CUBN: variants seen among roughly 807,000 people sequenced by gnomAD.
The protein encoded by CUBN is 460 kDa receptor.
Under a neutral mutation model 405.3 loss-of-function variants are expected in CUBN, and 282 were observed. The observed-to-expected ratio is 0.70, with a 90% CI of 0.63 to 0.77. The LOEUF is 0.77. Among genes scored for constraint, CUBN ranks in the 30% least tolerant of loss-of-function variants. The probability of loss-of-function intolerance (pLI) is 0.00; values close to 1 mark genes in which losing one functional copy is unlikely to be tolerated. For synonymous variants in CUBN, 1,684 were observed against 1,617.0 expected (o/e 1.04, Z -0.99); for missense variants, 4,514 against 4,475.2 (o/e 1.01, Z -0.25).
intron 54 of CUBN, among the ~76,000 whole-genome samples, chr10:16,898,139 T>C (rs1564410371): frequency 1.3e-5 from 2 of 151,440 alleles, no homozygotes; most frequent in Non-Finnish European, 2.9e-5. Context: ...GTCAATGAGA[T>C]ATAAAACATC....
intron 58 of CUBN, among the ~76,000 whole-genome samples, chr10:16,870,744 A>C (rs1840326010): frequency 6.6e-6 from 1 of 152,214 alleles, no homozygotes; most frequent in Non-Finnish European, 1.5e-5. Context: ...ACAATGAGAA[A>C]TCAACTTGTT....
At chr10:16,957,757 T>G (rs1843108085) in intron 31 of CUBN, among the ~76,000 whole-genome samples, 1 of 152,186 alleles carries the variant, frequency 6.6e-6, no homozygotes, top group Admixed American at 6.5e-5. Flanking sequence ...TAAATAAGTA[T>G]GTTGAATATA....
intron 48 of CUBN, among the ~76,000 whole-genome samples, chr10:16,909,980 C>A (rs1004819179): frequency 2.0e-5 from 3 of 152,184 alleles, no homozygotes; most frequent in Non-Finnish European, 4.4e-5. Flanking sequence ...AGCTAGGAAG[C>A]AGTGCAATGA....
chr10:16,871,114 G>C (rs1840340152), intron 58 of CUBN, among the ~76,000 whole-genome samples: 1 of 151,246 alleles, frequency 6.6e-6, no homozygotes, highest in South Asian at 2.1e-4. Flanking sequence ...TGCAACCTCT[G>C]CCTCCCTGGT....
chr10:17,030,209 T>C (rs1051014323), intron 27 of CUBN, among the ~76,000 whole-genome samples: 1 of 152,186 alleles, frequency 6.6e-6, no homozygotes, highest in Non-Finnish European at 1.5e-5. Flanking sequence ...TTTCACTATA[T>C]ATTACAATGT....
rs746097049 is a variant in CUBN, at chr10:16,836,282, C to G, written c.10133G>C (p.Gly3378Ala). ...CATTCTAGAGTTTCTGTTTACAACT[C>G]CAGATTTGAAAATGACCATTGCAGT... ...MSTAMVIFKS[G>A]VVNRNSRMSF... The change falls in exon 63 of 67, where the codon GGA (glycine) becomes GCA (alanine). Residue 3378 changes from glycine to alanine, a missense_variant. Physicochemically the swap from Gly to Ala is moderately conservative, Grantham distance 60 (BLOSUM62 0). Coordinates refer to ENST00000377833, the MANE Select transcript of CUBN (RefSeq NM_001081.4). The G allele has an allele frequency of 1.2e-6, 2 of 1,613,842 alleles. No homozygotes were observed. The highest frequency in any genetic ancestry group is 3.3e-5 in the Admixed American group (2 of 60,016).
In CUBN at chr10:17,045,865, T is replaced by C. The variant is rs1244990302; in HGVS notation, c.3490+69A>G. ...ACATGGACAAGTGAGGGACAGAGCA[T>C]GACAATCCCAGAATCAAGAAACCAA... On this transcript the variant is annotated intron_variant, in intron 24 of 66. Transcript: ENST00000377833. The C allele has an allele frequency of 4.0e-6, 6 of 1,511,068 alleles. No homozygotes were observed. In the East Asian group the frequency reaches 1.4e-4, roughly 34 times the overall value. The allele number at this position is 1,511,068 out of a possible 1,614,324, so 93.6% of individuals were successfully genotyped here.
intron 41 of CUBN, 92 bp from the exon 42 acceptor site, chr10:16,925,866 G>T: frequency 8.9e-7 from 1 of 1,128,908 alleles, no homozygotes; most frequent in Non-Finnish European, 1.3e-6. Flanking sequence ...TTTTCAAAGT[G>T]GAGGCAATAA....
At chr10:17,123,036 T>C in intron 5 of CUBN, 138 bp from the exon 6 acceptor site, 2 of 703,980 alleles carry the variant, frequency 2.8e-6, no homozygotes, top group Non-Finnish European at 2.6e-6. Flanking sequence ...AATACTGATA[T>C]TAACCCCTGG....
chr10:17,033,509 AG>A (rs1834826916), intron 27 of CUBN, among the ~76,000 whole-genome samples: 1 of 152,242 alleles, frequency 6.6e-6, no homozygotes, highest in Non-Finnish European at 1.5e-5. Flanking sequence ...ACATGGATAA[AG>A]GAATGAAGAA....
intron 28 of CUBN, among the ~76,000 whole-genome samples, chr10:16,993,590 G>C (rs537951808): frequency 6.6e-6 from 1 of 151,938 alleles, no homozygotes; most frequent in East Asian, 1.9e-4. Flanking sequence ...AATAAAAAGA[G>C]CAAAATTTTA....
At chr10:16,831,485 G>C in intron 64 of CUBN, 68 bp from the exon 65 acceptor site, 1 of 1,347,302 alleles carries the variant, frequency 7.4e-7, no homozygotes, top group Non-Finnish European at 1.1e-6. Context: ...TTAAAATGGA[G>C]ACAATTTGAA....
rs527643513 is a variant in CUBN, at chr10:16,954,264, T to C, written c.4855+125A>G. On this transcript the variant is annotated intron_variant, in intron 32 of 66. Coordinates refer to ENST00000377833, the MANE Select transcript of CUBN (RefSeq NM_001081.4). The stretch of plus-strand genomic sequence containing the variant: ...GTAAGTCACAGTTCTTTTGTTCTAT[T>C]TAATTTTTTACATGTTAAGTAGAAG... 240 of 1,118,582 alleles carry C rather than the reference T, an allele frequency of 2.1e-4. 1 individual carries two copies. The African/African-American group carries it at 3.2e-3, about 15-fold the overall frequency. 69.3% of individuals were successfully genotyped at this position (1,118,582 alleles called of 1,614,324 possible).
chr10:16,932,185 C>T (rs1023079616), intron 40 of CUBN, among the ~76,000 whole-genome samples: 19 of 152,256 alleles, frequency 1.2e-4, no homozygotes, highest in African/African-American at 4.6e-4. Context: ...ACATAAAGCA[C>T]CTTCACCATT....
At chr10:17,119,105 G>C (rs546982985) in intron 6 of CUBN, among the ~76,000 whole-genome samples, 4 of 152,172 alleles carry the variant, frequency 2.6e-5, no homozygotes, top group African/African-American at 9.6e-5. Context: ...GAGTGAAAAA[G>C]GTAATAAGTT....
chr10:16,955,621 G>T (rs866823337), intron 31 of CUBN, among the ~76,000 whole-genome samples: 2 of 152,102 alleles, frequency 1.3e-5, no homozygotes, highest in South Asian at 2.1e-4. Flanking sequence ...AATCAGGGGG[G>T]AAATGAGTTC....
chr10:16,990,287 C>A, intron 29 of CUBN, 47 bp downstream of exon 29: 1 of 1,579,156 alleles, frequency 6.3e-7, no homozygotes, highest in South Asian at 1.1e-5. Flanking sequence ...ATTTCCTGTT[C>A]TACCCCAAAC....
chr10:16,836,048 C>G (rs1839158408), intron 63 of CUBN, among the ~76,000 whole-genome samples, 187 bp downstream of exon 63: 1 of 152,194 alleles, frequency 6.6e-6, no homozygotes, highest in South Asian at 2.1e-4. Flanking sequence ...TTCTCTTTAT[C>G]TCTTTAGAAA....
Position 16,852,953 on chromosome 10 carries a change from A to G in CUBN, c.9455-1510T>C, listed in dbSNP as rs562503819. On this transcript the variant is annotated intron_variant, in intron 59 of 66. Transcript: ENST00000377833. ...TTAACTTTTTCTTTTCCAAAACATG[A>G]GAAGCTAAAGGAAAAAATCTTTATA... is the stretch of plus-strand genomic sequence containing the variant. 9.2e-5 allele frequency among the ~76,000 whole-genome samples: 14 copies of G among 152,344 alleles called. No homozygotes were observed. The East Asian group carries it at 2.5e-3, about 27-fold the overall frequency.
Sources: gnomAD v4.1 joint callset for allele counts (sites outside exome capture counted in the v4.1 genomes callset) on GRCh38, gnomAD v4.1.1 for gene constraint, MANE v1.5 for transcripts, NCBI Gene and HGNC (gene_info 2026-07-23, HGNC 2026-07-21) for gene names.